MT1X: variants seen among roughly 807,000 people sequenced by gnomAD.
MT1X encodes metallothionein-1X.
A neutral mutation model predicts 8.6 loss-of-function variants in MT1X; 7 were observed. That is an observed-to-expected ratio of 0.81 (90% CI 0.46 to 1.52). MT1X has a LOEUF of 1.52. Among genes scored for constraint, MT1X ranks in the 40% most tolerant of loss-of-function variants. The pLI is 0.01. For missense variants in MT1X, 72 were observed against 74.3 expected, an observed-to-expected ratio of 0.97 and a Z score of 0.11; for synonymous variants, 25 against 27.6, an observed-to-expected ratio of 0.91 and a Z score of 0.30.
At chr16:56,683,646 GC>G in intron 2 of MT1X, 1 of 411,704 alleles carries the variant, frequency 2.4e-6, no homozygotes, top group Non-Finnish European at 4.4e-6. Flanking sequence ...TCAGGGATTT[GC>G]CCCCTGTCCG....
At position 56,684,182 on chromosome 16, in the gene MT1X, A is replaced by AATTCATCT. The variant is rs1961038524; in HGVS notation, c.*135_*142dup. 1 of 1,124,082 alleles carries AATTCATCT rather than the reference A, an allele frequency of 8.9e-7. No homozygotes were observed. The highest frequency in any genetic ancestry group is 1.6e-5 in the African/African-American group (1 of 62,820). 69.6% of individuals were successfully genotyped at this position (1,124,082 alleles called of 1,614,324 possible). On this transcript the variant is annotated 3_prime_UTR_variant, in exon 3 of 3. Transcript: ENST00000394485. ...TCTATGAAATATGTGAATGGCAATAAATTCATCTAGACTATTCTGGCTCTG... is the reference window on the plus strand; with the variant it reads ...TCTATGAAATATGTGAATGGCAATAAATTCATCTATTCATCTAGACTATTCTGGCTCTG...
rs758707677 is a variant in MT1X, at chr16:56,682,537, C to G, written c.-4C>G. ...CGGGAACTCCTGCTTCTCCTTGCCT[C>G]GAAATGGACCCCAACTGCTCCTGCT... On this transcript the variant is annotated 5_prime_UTR_variant, in exon 1 of 3. Coordinates refer to ENST00000394485, the MANE Select transcript of MT1X (RefSeq NM_005952.4). 25 of 1,614,112 alleles carry G rather than the reference C, an allele frequency of 1.5e-5. No homozygotes were observed. In the Admixed American group the frequency reaches 2.8e-4, roughly 18 times the overall value.
intron 1 of MT1X, chr16:56,682,778 G>A: frequency 1.6e-6 from 1 of 642,590 alleles, no homozygotes; most frequent in Non-Finnish European, 2.7e-6. Flanking sequence ...GCCCAAGGCT[G>A]TCCTGCTCCA....
rs1961038781 is a variant in MT1X at position 56,684,196 on chromosome 16, A to G, written c.*147A>G. On this transcript the variant is annotated 3_prime_UTR_variant, in exon 3 of 3. Coordinates refer to ENST00000394485, the MANE Select transcript of MT1X (RefSeq NM_005952.4). ...GAATGGCAATAAATTCATCTAGACT[A>G]TTCTGGCTCTGGGCACCTCATTTGT... 4.0e-6 allele frequency: 4 copies of G among 1,001,334 alleles called. No homozygotes were observed. The highest frequency in any genetic ancestry group is 1.8e-5 in the South Asian group (1 of 56,326). The allele number at this position is 1,001,334 out of a possible 1,614,324, so 62.0% of individuals were successfully genotyped here. A position where few individuals can be genotyped will look rare whatever the true frequency, so the allele number is the denominator to read the frequency against.
rs112485803 is a variant in MT1X at position 56,683,163 on chromosome 16, A to T, written c.29-2A>T. The stretch of plus-strand genomic sequence containing the variant: ...CTCACTGCCTTTTTCTCTTCCTTGC[A>T]GTTGGCTCCTGTGCCTGTGCCGGCT... On this transcript the variant is annotated splice_acceptor_variant, in intron 1 of 2. Transcript: ENST00000394485. LOFTEE classifies it high-confidence loss of function. The T allele has an allele frequency of 5.3e-4, 849 of 1,613,832 alleles. 1 individual carries two copies. Among genetic ancestry groups the T allele is most frequent in the Middle Eastern group, 8.3e-4 (5 of 6,046 alleles).
At chr16:56,683,651 CT>C (rs1286250088) in intron 2 of MT1X, 36 of 417,066 alleles carry the variant, frequency 8.6e-5, no homozygotes, top group African/African-American at 2.8e-4. Flanking sequence ...GATTTGCCCC[CT>C]GTCCGGCTGT....
chr16:56,683,662 T>C (rs35188891), intron 2 of MT1X: 39 of 435,970 alleles, frequency 8.9e-5, no homozygotes, highest in African/African-American at 7.4e-4. Flanking sequence ...TGTCCGGCTG[T>C]GAAGACTTTC....
rs111606576 is a variant in MT1X, at chr16:56,683,302, G to T, written c.94+72G>T. On this transcript the variant is annotated intron_variant, in intron 2 of 2. Coordinates refer to ENST00000394485, the MANE Select transcript of MT1X (RefSeq NM_005952.4). ...GAGCAGGGAACCCAGAGCTCTGCAG[G>T]CAGGGGCAGGCCAATGACCAGCTTC... 3.3e-5 allele frequency: 52 copies of T among 1,576,150 alleles called. No homozygotes were observed. The Middle Eastern group carries it at 8.4e-4, about 25-fold the overall frequency.
intron 1 of MT1X, 31 bp from the exon 2 acceptor site, chr16:56,683,134 C>T: frequency 6.2e-7 from 1 of 1,613,240 alleles, no homozygotes; most frequent in African/African-American, 1.3e-5. Context: ...CATCTCACTC[C>T]ACGCTCACTG....
intron 2 of MT1X, chr16:56,683,597 T>C (rs6499851): frequency 0.65 from 244,994 of 377,610 alleles, 80,854 homozygotes; most frequent in East Asian, 0.91. Context: ...CCTGCAGGGG[T>C]AGCCCAGAGC....
chr16:56,684,042 G>T lies in MT1X; in HGVS notation c.179G>T (p.Cys60Phe). The change falls in exon 3 of 3, where the codon TGT becomes TTT. Residue 60 changes from cysteine to phenylalanine, a missense_variant. By Grantham distance (205) the Cys-to-Phe change is radical. Transcript: ENST00000394485. ...CKGTSDKCSC[C>F]A is the part of the protein sequence containing the mutation. ...GGGACGTCAGACAAGTGCAGCTGCT[G>T]TGCCTGATGCCAGGACAGCTGTGCT... 1.9e-6 allele frequency: 3 copies of T among 1,613,704 alleles called. No homozygotes were observed. The highest frequency in any genetic ancestry group is 2.5e-6 in the Non-Finnish European group (3 of 1,179,904).
Position 56,684,002 on chromosome 16 carries a change from G to A in MT1X, c.139G>A (p.Gly47Ser). 6.2e-7 allele frequency: 1 copy of A among 1,614,192 alleles called. No homozygotes were observed. Among genetic ancestry groups the A allele is most frequent in the Non-Finnish European group, 8.5e-7 (1 of 1,180,022 alleles). The change falls in exon 3 of 3, where the codon GGC (glycine) becomes AGC (serine). Residue 47 changes from glycine (G) to serine (S), a missense_variant. Coordinates refer to ENST00000394485, the MANE Select transcript of MT1X (RefSeq NM_005952.4). ...CPVGCAKCAQ[G>S]CICKGTSDKC... ...TGTGGGCTGTGCCAAGTGTGCCCAG[G>A]GCTGCATCTGCAAAGGGACGTCAGA...
chr16:56,683,277 G>C (rs768176318), intron 2 of MT1X, 47 bp downstream of exon 2: 5 of 1,611,024 alleles, frequency 3.1e-6, no homozygotes, highest in East Asian at 2.2e-5. Context: ...GGCCAAGTTA[G>C]AGCAGGGAAC....
At position 56,682,535 on chromosome 16, in the gene MT1X, C is replaced by G. The variant is rs966403615; in HGVS notation, c.-6C>G. On this transcript the variant is annotated 5_prime_UTR_variant, in exon 1 of 3. Transcript: ENST00000394485. ...ATCGGGAACTCCTGCTTCTCCTTGC[C>G]TCGAAATGGACCCCAACTGCTCCTG... The G allele has an allele frequency of 6.2e-7, 1 of 1,614,110 alleles. No individual in the cohort carries two copies. Among genetic ancestry groups the G allele is most frequent in the African/African-American group, 1.3e-5 (1 of 74,944 alleles).
chr16:56,683,670 T>G (rs1252267974), intron 2 of MT1X: 3 of 446,740 alleles, frequency 6.7e-6, no homozygotes, highest in African/African-American at 4.0e-5. Flanking sequence ...TGTGAAGACT[T>G]TCCTCATTTA....
rs1961012741 is a variant in MT1X, at chr16:56,682,505, T to C, written c.-36T>C. 2.5e-6 allele frequency: 4 copies of C among 1,613,994 alleles called. No homozygotes were observed. Among genetic ancestry groups the C allele is most frequent in the Non-Finnish European group, 3.4e-6 (4 of 1,179,834 alleles). Reference sequence around the variant, plus strand: ...TCATCTGTCCCGCTGCGTGTTTTCCTCTTGATCGGGAACTCCTGCTTCTCC... The same window carrying C: ...TCATCTGTCCCGCTGCGTGTTTTCCCCTTGATCGGGAACTCCTGCTTCTCC... On this transcript the variant is annotated 5_prime_UTR_variant, in exon 1 of 3. Transcript: ENST00000394485.
Position 56,684,013 on chromosome 16 carries a change from C to T in MT1X, c.150C>T (p.Cys50=). The change falls in exon 3 of 3, where the codon TGC becomes TGT. Residue 50 remains cysteine (C), a synonymous_variant. Coordinates refer to ENST00000394485, the MANE Select transcript of MT1X (RefSeq NM_005952.4). The part of the protein sequence containing the change: ...GCAKCAQGCI[C]KGTSDKCSCC... ...CCAAGTGTGCCCAGGGCTGCATCTG[C>T]AAAGGGACGTCAGACAAGTGCAGCT... 1 of 1,614,002 alleles carries T rather than the reference C, an allele frequency of 6.2e-7. No individual in the cohort carries two copies. The highest frequency in any genetic ancestry group is 1.1e-5 in the South Asian group (1 of 91,086).
rs1961014114 is a variant in MT1X at position 56,682,557 on chromosome 16, C to G, written c.17C>G (p.Ser6Cys). 1 of 1,614,240 alleles carries G rather than the reference C, an allele frequency of 6.2e-7. No homozygotes were observed. The highest frequency in any genetic ancestry group is 2.2e-5 in the East Asian group (1 of 44,884). Residue 6 changes from serine (S) to cysteine (C), a missense_variant, in exon 1 of 3, where the codon TCC (serine) becomes TGC (cysteine). Coordinates refer to ENST00000394485, the MANE Select transcript of MT1X (RefSeq NM_005952.4). Reference sequence around the variant, plus strand: ...TGCCTCGAAATGGACCCCAACTGCTCCTGCTCGCCTGGTAAGGGACACCTA... The same window carrying G: ...TGCCTCGAAATGGACCCCAACTGCTGCTGCTCGCCTGGTAAGGGACACCTA... MDPNC[S>C]CSPVGSCACA...
intron 1 of MT1X, 115 bp downstream of exon 1, chr16:56,682,683 T>G (rs1961015728): frequency 7.7e-7 from 1 of 1,292,464 alleles, no homozygotes; most frequent in Non-Finnish European, 1.1e-6. Context: ...GCTCCTTTAT[T>G]TCGTTAGGTG....
Sources: allele counts gnomAD v4.1 joint callset, GRCh38; gene constraint gnomAD v4.1.1; transcripts MANE v1.5; gene names NCBI Gene and HGNC (gene_info 2026-07-23, HGNC 2026-07-21).